Variants in CHODL observed in about 807,000 individuals in gnomAD.
CHODL encodes chondrolectin.
A neutral mutation model predicts 34.5 loss-of-function variants in CHODL; 29 were observed. The observed-to-expected ratio is 0.84, with a 90% CI of 0.63 to 1.15. The LOEUF (loss-of-function observed/expected upper bound fraction) is 1.15, where lower values mean the gene tolerates loss of function less well. Among genes scored for constraint, CHODL ranks in the 50% most tolerant of loss-of-function variants. CHODL has a pLI of 0.00. For synonymous variants in CHODL, 125 were observed against 116.1 expected (o/e 1.08, Z -0.49); for missense variants, 332 against 332.5 (o/e 1.00, Z 0.01).
Position 18,029,583 on chromosome 21 carries a change from T to C in CHODL, c.-45+1612T>C, listed in dbSNP as rs74354990. 8.7e-3 allele frequency among the ~76,000 whole-genome samples: 1,331 copies of C among 152,262 alleles called. 29 individuals are homozygous for C. Among genetic ancestry groups the C allele is most frequent in the African/African-American group, 0.03 (1,260 of 41,542 alleles). On this transcript the variant is annotated intron_variant, in intron 2 of 6. Transcript: ENST00000400127. ...ACATGTATCAGGGATATTTTATCTA[T>C]CTATAAATTTAGCTAAGTCTCTATC...
intron 2 of CHODL, among the ~76,000 whole-genome samples, chr21:18,170,609 T>A (rs1049987042): frequency 6.6e-6 from 1 of 152,046 alleles, no homozygotes; most frequent in Non-Finnish European, 1.5e-5. Flanking sequence ...ACGTCTTAAT[T>A]TATAACACTC....
intron 2 of CHODL, among the ~76,000 whole-genome samples, chr21:18,210,792 C>T (rs984232867): frequency 2.0e-5 from 3 of 152,046 alleles, no homozygotes; most frequent in African/African-American, 7.2e-5. Flanking sequence ...TGCTCTTGAC[C>T]CCTCACAGTC....
chr21:18,162,894 G>A (rs1003466523), intron 2 of CHODL, among the ~76,000 whole-genome samples: 8 of 152,126 alleles, frequency 5.3e-5, no homozygotes, highest in African/African-American at 1.9e-4. Flanking sequence ...TTCTGCCTCA[G>A]CCTCCTGAGC....
chr21:18,258,230 G>T (rs1346089102), intron 3 of CHODL, among the ~76,000 whole-genome samples: 1 of 151,662 alleles, frequency 6.6e-6, no homozygotes, highest in Non-Finnish European at 1.5e-5. Context: ...CATCTTGGTT[G>T]CTAAACCCGT....
chr21:17,967,672 T>C (rs2063583125), intron 1 of CHODL, among the ~76,000 whole-genome samples: 1 of 152,152 alleles, frequency 6.6e-6, no homozygotes, highest in Non-Finnish European at 1.5e-5. Context: ...AGGAGATACA[T>C]GGTTTGGATT....
chr21:18,010,755 G>A (rs1452197412), intron 1 of CHODL, among the ~76,000 whole-genome samples: 2 of 152,264 alleles, frequency 1.3e-5, no homozygotes, highest in African/African-American at 4.8e-5. Context: ...TGAGTTTTTA[G>A]GAAAGTCTGA....
intron 1 of CHODL, among the ~76,000 whole-genome samples, chr21:17,930,129 A>G (rs140026343): frequency 1.3e-5 from 2 of 151,766 alleles, no homozygotes; most frequent in African/African-American, 4.8e-5. Context: ...GTGGGAAGAC[A>G]GGACACCTTT....
intron 1 of CHODL, among the ~76,000 whole-genome samples, chr21:17,948,548 GGAAAT>G (rs1391123882): frequency 2.6e-5 from 4 of 151,670 alleles, no homozygotes; most frequent in Non-Finnish European, 5.9e-5. Flanking sequence ...GAAAAAAAGA[GGAAAT>G]AAAATAGCAG....
intron 2 of CHODL, among the ~76,000 whole-genome samples, chr21:18,107,676 C>G (rs766736033): frequency 1.7e-4 from 26 of 152,170 alleles, no homozygotes; most frequent in Non-Finnish European, 3.5e-4. Flanking sequence ...AGTTTCCTCC[C>G]ACTGGGTAGA....
chr21:18,224,680 T>C (rs2073915454), intron 2 of CHODL, among the ~76,000 whole-genome samples: 1 of 152,172 alleles, frequency 6.6e-6, no homozygotes, highest in African/African-American at 2.4e-5. Flanking sequence ...TTCCCATATA[T>C]ATTCCATTGT....
chr21:17,957,949 C>T (rs2063505208), intron 1 of CHODL, among the ~76,000 whole-genome samples: 1 of 150,806 alleles, frequency 6.6e-6, no homozygotes, highest in South Asian at 2.1e-4. Flanking sequence ...TAAACTTTTT[C>T]TTCAGAGGGA....
At chr21:18,171,275 C>T (rs867398084) in intron 2 of CHODL, among the ~76,000 whole-genome samples, 140 of 127,550 alleles carry the variant, frequency 1.1e-3, no homozygotes, top group African/African-American at 4.1e-3. Context: ...GGCGCAATCT[C>T]GGCTCACTGC....
At chr21:18,023,675 C>A (rs1391562944) in intron 1 of CHODL, among the ~76,000 whole-genome samples, 1 of 152,070 alleles carries the variant, frequency 6.6e-6, no homozygotes, top group East Asian at 1.9e-4. Context: ...TCCCCTTAAC[C>A]AATTACATTG....
intron 1 of CHODL, among the ~76,000 whole-genome samples, chr21:17,922,051 A>T (rs914728903): frequency 2.6e-5 from 4 of 152,222 alleles, no homozygotes; most frequent in African/African-American, 4.8e-5. Context: ...GTTCATGTTC[A>T]ACTTAACCAA....
chr21:18,159,520 CAAA>C (rs2073072331), intron 2 of CHODL, among the ~76,000 whole-genome samples: 1 of 151,866 alleles, frequency 6.6e-6, no homozygotes, highest in African/African-American at 2.4e-5. Flanking sequence ...ACTTAATTGT[CAAA>C]AAAGGAAAGA....
chr21:18,256,428 G>T, intron 1 of CHODL, 81 bp from the exon 2 acceptor site: 5 of 1,281,346 alleles, frequency 3.9e-6, no homozygotes, highest in Admixed American at 2.5e-5. Flanking sequence ...TGCTTTGACT[G>T]GTTCTTACAT....
At chr21:18,153,678 AG>A (rs1402753050) in intron 2 of CHODL, among the ~76,000 whole-genome samples, 7 of 152,318 alleles carry the variant, frequency 4.6e-5, no homozygotes, top group African/African-American at 1.7e-4. Flanking sequence ...AGCTGAAAGC[AG>A]TTGAAAATCA....
chr21:18,034,726 A>C (rs2064289748), intron 2 of CHODL: 1 of 152,060 alleles, frequency 6.6e-6, no homozygotes, highest in African/African-American at 2.4e-5. Context: ...TTTCTATATA[A>C]ATTGTCTGGG....
At chr21:18,133,854 A>C (rs2072688025) in intron 2 of CHODL, among the ~76,000 whole-genome samples, 1 of 152,156 alleles carries the variant, frequency 6.6e-6, no homozygotes, top group South Asian at 2.1e-4. Context: ...TTGTCACTGA[A>C]CTGGGAGTCC....
Sources: gnomAD v4.1 joint callset for allele counts (sites outside exome capture counted in the v4.1 genomes callset) on GRCh38, gnomAD v4.1.1 for gene constraint, MANE v1.5 for transcripts, NCBI Gene and HGNC (gene_info 2026-07-23, HGNC 2026-07-21) for gene names.